Variants in PTPRQ observed in about 807,000 individuals in gnomAD.
The protein encoded by PTPRQ is phosphatidylinositol phosphatase PTPRQ.
A neutral mutation model predicts 246.0 loss-of-function variants in PTPRQ; 199 were observed. The ratio of observed to expected loss-of-function variants is 0.81; its 90% CI spans 0.72 to 0.91. The LOEUF is 0.91. PTPRQ is among the 40% of genes least tolerant of loss of function. The pLI, the probability that PTPRQ is intolerant of heterozygous loss-of-function variation, is 0.00. For missense variants in PTPRQ, 2,624 were observed against 2,528.4 expected (o/e 1.04, Z -0.81); for synonymous variants, 869 against 853.2 (o/e 1.02, Z -0.32).
chr12:80,569,580 CA>C (rs924330501), intron 25 of PTPRQ, among the ~76,000 whole-genome samples: 15 of 150,884 alleles, frequency 9.9e-5, no homozygotes, highest in Admixed American at 3.3e-4. Context: ...AAGAACAAAA[CA>C]AAAAAAATTT....
At chr12:80,474,422 C>T (rs1267833940) in intron 8 of PTPRQ, among the ~76,000 whole-genome samples, 1 of 152,098 alleles carries the variant, frequency 6.6e-6, no homozygotes, top group Admixed American at 6.6e-5. Context: ...GTTGCATTGA[C>T]CTCTTATAGA....
intron 17 of PTPRQ, among the ~76,000 whole-genome samples, chr12:80,530,189 T>C (rs796493394): frequency 2.6e-5 from 4 of 152,292 alleles, no homozygotes; most frequent in African/African-American, 9.6e-5. Context: ...TGCCTTATTC[T>C]CTTTTTTTAT....
intron 14 of PTPRQ, among the ~76,000 whole-genome samples, chr12:80,498,825 T>C (rs1894708287): frequency 6.6e-6 from 1 of 152,088 alleles, no homozygotes; most frequent in South Asian, 2.1e-4. Flanking sequence ...AACACCTTAT[T>C]TTAATGATGA....
At chr12:80,644,966 G>A (rs1534496) in intron 35 of PTPRQ, among the ~76,000 whole-genome samples, 30,834 of 151,876 alleles carry the variant, frequency 0.2, 4,807 homozygotes, top group African/African-American at 0.43. Flanking sequence ...TTCCTAATAG[G>A]TATTTGAAGA....
At chr12:80,506,729 G>T in intron 16 of PTPRQ, 59 bp downstream of exon 16, 1 of 1,439,484 alleles carries the variant, frequency 6.9e-7, no homozygotes, top group East Asian at 2.6e-5. Flanking sequence ...AGAAACACAC[G>T]TATAGAATGA....
intron 25 of PTPRQ, among the ~76,000 whole-genome samples, chr12:80,559,226 A>T (rs1896755278): frequency 6.6e-6 from 1 of 151,918 alleles, no homozygotes; most frequent in African/African-American, 2.4e-5. Context: ...TTGTATTTTT[A>T]GTAGAGGCAG....
chr12:80,568,849 AATG>A (rs908647094), intron 25 of PTPRQ, among the ~76,000 whole-genome samples: 20 of 152,252 alleles, frequency 1.3e-4, no homozygotes, highest in African/African-American at 4.6e-4. Flanking sequence ...TTATTTATGT[AATG>A]ATTTTATGGA....
intron 17 of PTPRQ, among the ~76,000 whole-genome samples, chr12:80,515,584 C>G (rs770951280): frequency 6.6e-5 from 10 of 151,824 alleles, no homozygotes; most frequent in Non-Finnish European, 1.0e-4. Flanking sequence ...CCACACCTAG[C>G]TAATTTATTT....
chr12:80,621,118 T>A (rs1898969232), intron 32 of PTPRQ, among the ~76,000 whole-genome samples: 1 of 151,854 alleles, frequency 6.6e-6, no homozygotes, highest in Admixed American at 6.6e-5. Context: ...ATTATCAAAT[T>A]CTTTACAAAT....
At chr12:80,543,669 T>C (rs930938316) in intron 23 of PTPRQ, among the ~76,000 whole-genome samples, 2 of 152,152 alleles carry the variant, frequency 1.3e-5, no homozygotes, top group East Asian at 1.9e-4. Flanking sequence ...ATCATTGTTA[T>C]AGCATATGTA....
At chr12:80,671,681 A>G (rs1300849959) in intron 42 of PTPRQ, among the ~76,000 whole-genome samples, 1 of 152,124 alleles carries the variant, frequency 6.6e-6, no homozygotes, top group East Asian at 1.9e-4. Context: ...AGACTGAATG[A>G]CTAAAAAGTT....
At chr12:80,527,205 CT>C (rs1356455365) in intron 17 of PTPRQ, among the ~76,000 whole-genome samples, 3 of 151,974 alleles carry the variant, frequency 2.0e-5, no homozygotes, top group African/African-American at 7.2e-5. Context: ...GAACCTGTAA[CT>C]TTTGAAAATT....
At chr12:80,451,267 C>G (rs1411253748) in intron 3 of PTPRQ, among the ~76,000 whole-genome samples, 1 of 142,226 alleles carries the variant, frequency 7.0e-6, no homozygotes, top group African/African-American at 2.7e-5. Context: ...ATTCTTCTCT[C>G]TTTTCTTCTT....
intron 3 of PTPRQ, among the ~76,000 whole-genome samples, chr12:80,449,801 A>AGGTAGT (rs1384123493): frequency 1.3e-5 from 2 of 152,172 alleles, no homozygotes; most frequent in South Asian, 2.1e-4. Context: ...GTTTAAAGTC[A>AGGTAGT]GGTAGTGTGA....
At chr12:80,613,016 T>C (rs965358974) in intron 28 of PTPRQ, among the ~76,000 whole-genome samples, 9 of 150,472 alleles carry the variant, frequency 6.0e-5, no homozygotes, top group Non-Finnish European at 1.3e-4. Context: ...TTCTTTAGGG[T>C]GATGTAATAG....
intron 9 of PTPRQ, among the ~76,000 whole-genome samples, chr12:80,491,209 G>T (rs1401850972): frequency 1.3e-5 from 2 of 152,066 alleles, no homozygotes; most frequent in East Asian, 1.9e-4. Context: ...AATATTGAGA[G>T]ATTTAATGCA....
At chr12:80,606,472 C>T (rs950718508) in intron 27 of PTPRQ, among the ~76,000 whole-genome samples, 5 of 150,810 alleles carry the variant, frequency 3.3e-5, no homozygotes, top group African/African-American at 7.3e-5. Context: ...ATAGGATGCT[C>T]AATGATGTCA....
At chr12:80,649,051 TC>T (rs1418899064) in intron 36 of PTPRQ, 128 bp downstream of exon 36, 2 of 880,194 alleles carry the variant, frequency 2.3e-6, no homozygotes, top group African/African-American at 3.5e-5. Context: ...TGGATATAAA[TC>T]ATAAAAGCAT....
chr12:80,444,917 A>T (rs1255396594), intron 2 of PTPRQ, 68 bp downstream of exon 2: 1 of 1,410,878 alleles, frequency 7.1e-7, no homozygotes, highest in African/African-American at 1.5e-5. Context: ...ACTGGATGGA[A>T]ATACTTATAC....
Sources: allele counts gnomAD v4.1 joint callset (sites outside exome capture counted in the v4.1 genomes callset), GRCh38; gene constraint gnomAD v4.1.1; transcripts MANE v1.5; gene names NCBI Gene and HGNC (gene_info 2026-07-23, HGNC 2026-07-21).